Variants in RNASE9 observed in about 807,000 individuals in gnomAD.
RNASE9 encodes the protein inactive ribonuclease-like protein 9.
For synonymous variants in RNASE9, 95 were observed against 87.6 expected (o/e 1.08, Z -0.47); for missense variants, 263 against 247.1 (o/e 1.06, Z -0.43).
chr14:20,556,689 A>G (rs780929947), exon 3 of RNASE9: 1 of 1,613,678 alleles, frequency 6.2e-7, no homozygotes, highest in South Asian at 1.1e-5. Context: ...TACATTTCCT[A>G]ATTCCATTCT....
At chr14:20,558,931 A>C (rs1883829323) in intron 2 of RNASE9, among the ~76,000 whole-genome samples, 1 of 152,134 alleles carries the variant, frequency 6.6e-6, no homozygotes. Flanking sequence ...ATTTTAATAG[A>C]TAGTAAGAAG....
intron 1 of RNASE9, among the ~76,000 whole-genome samples, chr14:20,560,617 A>G (rs2138863298): frequency 6.6e-6 from 1 of 152,188 alleles, no homozygotes; most frequent in East Asian, 1.9e-4. Context: ...GACAATACAC[A>G]TTGCAATAAT....
At chr14:20,557,030 G>A (rs1341892724) in exon 3 of RNASE9, 1 of 1,613,530 alleles carries the variant, frequency 6.2e-7, no homozygotes, top group Admixed American at 1.7e-5. Flanking sequence ...GGCAATAGAA[G>A]CAGGGGCAGT....
At chr14:20,557,448 A>T in exon 3 of RNASE9, 2 of 192,558 alleles carry the variant, frequency 1.0e-5, no homozygotes, top group Non-Finnish European at 2.1e-5. Context: ...GGGAGGGTGC[A>T]GAGAGGAGGC....
chr14:20,558,619 A>G, exon 3 of RNASE9: 1 of 1,546,208 alleles, frequency 6.5e-7, no homozygotes, highest in Non-Finnish European at 8.8e-7. Flanking sequence ...ACATACTCTC[A>G]CAAGAACGCG....
chr14:20,556,650 C>T, exon 3 of RNASE9: 3 of 1,613,180 alleles, frequency 1.9e-6, no homozygotes, highest in African/African-American at 1.3e-5. Context: ...AATTACAATA[C>T]ACTCCTTCTA....
exon 3 of RNASE9, chr14:20,558,502 T>C: frequency 7.0e-7 from 1 of 1,423,214 alleles, no homozygotes; most frequent in Non-Finnish European, 9.7e-7. Context: ...ACACTGTCCC[T>C]CCCCTCCCTG....
At chr14:20,556,505 G>A (rs1594457833) in exon 3 of RNASE9, 1 of 1,613,664 alleles carries the variant, frequency 6.2e-7, no homozygotes, top group Non-Finnish European at 8.5e-7. Flanking sequence ...CTGTGTTCAG[G>A]TGGCTCCACG....
chr14:20,558,803 T>G lies in RNASE9; in HGVS notation c.-1581-153A>C, dbSNP rs531046247. ...CCTTCTTAATTCTTGATTTATGAATTCAACTTTTGGTTTCATTCTTCTCAA... is the reference window on the plus strand; with the variant it reads ...CCTTCTTAATTCTTGATTTATGAATGCAACTTTTGGTTTCATTCTTCTCAA... On this transcript the variant is annotated intron_variant, in intron 2 of 2. Coordinates refer to ENST00000555230, the Ensembl canonical transcript of RNASE9. The G allele has an allele frequency of 1.2e-4, 71 of 573,266 alleles. No homozygotes were observed. The South Asian group carries it at 1.6e-3, about 13-fold the overall frequency. 35.5% of individuals were successfully genotyped at this position (573,266 alleles called of 1,614,324 possible). A position where few individuals can be genotyped will look rare whatever the true frequency, so the allele number is the denominator to read the frequency against.
exon 3 of RNASE9, chr14:20,557,039 G>C (rs1223741689): frequency 6.2e-7 from 1 of 1,612,326 alleles, no homozygotes; most frequent in African/African-American, 1.3e-5. Flanking sequence ...AGCAGGGGCA[G>C]TGGGTGTGTG....
exon 3 of RNASE9, chr14:20,558,091 G>A: frequency 4.2e-6 from 1 of 240,568 alleles, no homozygotes; most frequent in Non-Finnish European, 8.3e-6. Flanking sequence ...AACGGAATTT[G>A]AGCCCCTAGA....
At chr14:20,558,997 G>GA (rs1469945476) in intron 2 of RNASE9, among the ~76,000 whole-genome samples, 9 of 151,926 alleles carry the variant, frequency 5.9e-5, no homozygotes, top group African/African-American at 1.7e-4. Flanking sequence ...AATTATTTGG[G>GA]AAAAAATCTA....
exon 3 of RNASE9, chr14:20,556,740 G>T: frequency 6.2e-7 from 1 of 1,613,860 alleles, no homozygotes; most frequent in South Asian, 1.1e-5. Flanking sequence ...TTTGGAGCTC[G>T]TCATATTGCA....
chr14:20,556,940 ATTC>A (rs1566552141), exon 3 of RNASE9: 2 of 1,614,018 alleles, frequency 1.2e-6, no homozygotes, highest in African/African-American at 1.3e-5. Context: ...CACTCTTCAA[ATTC>A]TTCTTTTTTA....
chr14:20,558,687 G>A (rs1883817288), intron 2 of RNASE9: 1 of 1,127,772 alleles, frequency 8.9e-7, no homozygotes, highest in Non-Finnish European at 1.3e-6. Flanking sequence ...GTGAAAAGCA[G>A]AATTCAGGCA....
chr14:20,556,514 C>G (rs149710160), exon 3 of RNASE9: 2 of 1,613,664 alleles, frequency 1.2e-6, no homozygotes, highest in South Asian at 1.1e-5. Flanking sequence ...GGTGGCTCCA[C>G]GAGATCATTT....
Position 20,558,028 on chromosome 14 carries a change from A to ATC in RNASE9, c.-961_-960dup, listed in dbSNP as rs201370240. ...GTTTCCCTTCTTAAGGCTAGACTGT[A>ATC]TCTCTCTCTCTAGGCTGTCAAACAC... On this transcript the variant is annotated 5_prime_UTR_variant, in exon 3 of 3. Coordinates refer to ENST00000555230, the Ensembl canonical transcript of RNASE9. 4 of 185,492 alleles carry ATC rather than the reference A, an allele frequency of 2.2e-5. No homozygotes were observed. The East Asian group carries it at 5.2e-4, about 24-fold the overall frequency. 11.5% of individuals were successfully genotyped at this position (185,492 alleles called of 1,614,324 possible). A position where few individuals can be genotyped will look rare whatever the true frequency, so the allele number is the denominator to read the frequency against.
chr14:20,558,733 G>A (rs1883819321), intron 2 of RNASE9: 3 of 734,186 alleles, frequency 4.1e-6, no homozygotes, highest in Admixed American at 2.0e-5. Flanking sequence ...CCGAGAACAT[G>A]CACAGGGCCT....
rs76766155 is a variant in RNASE9, at chr14:20,556,781, G to A, written c.289C>T (p.Arg97Cys). Residue 97 changes from arginine (R) to cysteine (C), a missense_variant, in exon 3 of 3, where the codon CGT (arginine) becomes TGT (cysteine). Arg to Cys is a radical substitution (Grantham distance 180, BLOSUM62 -3). Coordinates refer to ENST00000555230, the Ensembl canonical transcript of RNASE9. The stretch of plus-strand genomic sequence containing the variant: ...AGGAAGTAATGTTCTGCCACCCAAC[G>A]GTGTTTGTAGTAAACATTTTTTCCC... 3.4e-3 allele frequency: 5,513 copies of A among 1,613,486 alleles called. 144 individuals carry two copies. In the African/African-American group the frequency reaches 0.063, roughly 19 times the overall value.
Sources: gnomAD v4.1 joint callset for allele counts (sites outside exome capture counted in the v4.1 genomes callset) on GRCh38, gnomAD v4.1.1 for gene constraint, MANE v1.5 for transcripts, NCBI Gene and HGNC (gene_info 2026-07-23, HGNC 2026-07-21) for gene names.